KIAA1328: variants seen among roughly 807,000 people sequenced by gnomAD.
KIAA1328 encodes KIAA1328, also known as protein hinderin.
Under a neutral mutation model 68.1 loss-of-function variants are expected in KIAA1328, and 52 were observed. The observed-to-expected ratio is 0.76, with a 90% CI of 0.61 to 0.96. The LOEUF is 0.96. KIAA1328 is among the 40% of genes least tolerant of loss of function. The pLI is 0.00. For missense variants in KIAA1328, 641 were observed against 677.6 expected (o/e 0.95, Z 0.60); for synonymous variants, 232 against 239.4 (o/e 0.97, Z 0.28).
intron 7 of KIAA1328, among the ~76,000 whole-genome samples, chr18:37,120,121 A>C (rs1012702157): frequency 2.0e-5 from 3 of 152,294 alleles, no homozygotes; most frequent in African/African-American, 7.2e-5. Context: ...ATTTTCAAAA[A>C]CCAAAGGTGT....
At chr18:37,137,646 T>G (rs1448230313) in intron 7 of KIAA1328, among the ~76,000 whole-genome samples, 2 of 152,190 alleles carry the variant, frequency 1.3e-5, no homozygotes, top group African/African-American at 2.4e-5. Flanking sequence ...ACACTATTCT[T>G]TCTTTCTCTG....
At chr18:37,230,889 C>A (rs1478711417), downstream of KIAA1328, 1 of 152,184 alleles carries the variant, frequency 6.6e-6, no homozygotes, top group Non-Finnish European at 1.5e-5. Context: ...TTCCCCACTG[C>A]TTACAGGAAA....
At chr18:37,080,913 G>T (rs1481433648) in intron 7 of KIAA1328, among the ~76,000 whole-genome samples, 1 of 151,246 alleles carries the variant, frequency 6.6e-6, no homozygotes, top group Non-Finnish European at 1.5e-5. Flanking sequence ...AATCAAGACA[G>T]TAAAAAAAAA....
At chr18:36,925,245 A>C (rs765165317) in intron 5 of KIAA1328, among the ~76,000 whole-genome samples, 1 of 152,170 alleles carries the variant, frequency 6.6e-6, no homozygotes, top group Non-Finnish European at 1.5e-5. Flanking sequence ...AGGTAAAAAC[A>C]GAAGATAATA....
chr18:37,067,592 G>A (rs572383241), intron 7 of KIAA1328, 47 bp downstream of exon 7: 63 of 1,433,102 alleles, frequency 4.4e-5, no homozygotes, highest in East Asian at 3.3e-4. Context: ...ACGAAATCTC[G>A]CCCTGTTGCC....
chr18:36,910,278 C>G (rs576161796), intron 5 of KIAA1328, among the ~76,000 whole-genome samples: 7 of 151,984 alleles, frequency 4.6e-5, no homozygotes, highest in Non-Finnish European at 7.4e-5. Context: ...GTCTTTAATC[C>G]ATCTTGAATT....
At chr18:37,231,113 A>G (rs1237477002), downstream of KIAA1328, 1 of 152,208 alleles carries the variant, frequency 6.6e-6, no homozygotes, top group Non-Finnish European at 1.5e-5. Flanking sequence ...CTCAGGCATC[A>G]TTATATACTC....
chr18:36,842,534 G>A (rs2046891913), intron 3 of KIAA1328, among the ~76,000 whole-genome samples: 1 of 152,158 alleles, frequency 6.6e-6, no homozygotes, highest in Middle Eastern at 3.4e-3. Context: ...GTTTTGAGGG[G>A]GAAAGTTAGT....
intron 4 of KIAA1328, among the ~76,000 whole-genome samples, chr18:36,856,312 G>GGAAGGTA (rs2047381212): frequency 6.6e-6 from 1 of 151,800 alleles, no homozygotes; most frequent in Non-Finnish European, 1.5e-5. Flanking sequence ...TCCATTATAT[G>GGAAGGTA]CATGTTGATA....
intron 5 of KIAA1328, chr18:36,921,029 G>A (rs2049900623): frequency 1.3e-5 from 2 of 152,236 alleles, no homozygotes; most frequent in African/African-American, 4.8e-5. Flanking sequence ...TAGGCAACAA[G>A]CTGGGATGAT....
intron 9 of KIAA1328, among the ~76,000 whole-genome samples, chr18:37,216,364 T>A (rs1263790315): frequency 2.0e-5 from 3 of 152,250 alleles, no homozygotes; most frequent in Non-Finnish European, 2.9e-5. Flanking sequence ...CTCGTTGGTT[T>A]CAAAGAACAT....
chr18:37,125,442 TA>T (rs528296812), intron 7 of KIAA1328, among the ~76,000 whole-genome samples: 87 of 152,156 alleles, frequency 5.7e-4, no homozygotes, highest in African/African-American at 2.0e-3. Context: ...AATTCTACCT[TA>T]AAAAAACCAG....
chr18:37,229,533 AT>A, downstream of KIAA1328: 3 of 1,269,358 alleles, frequency 2.4e-6, no homozygotes, highest in Non-Finnish European at 3.1e-6. Context: ...TGGGAGGGTC[AT>A]TTTTTACTTC....
chr18:36,895,832 A>G, intron 5 of KIAA1328: 1 of 454,804 alleles, frequency 2.2e-6, no homozygotes, highest in Admixed American at 2.4e-5. Context: ...TTGTCCTAGA[A>G]GAAGAGCAGA....
At chr18:37,090,651 C>T (rs1242355073) in intron 7 of KIAA1328, among the ~76,000 whole-genome samples, 1 of 152,112 alleles carries the variant, frequency 6.6e-6, no homozygotes, top group Admixed American at 6.5e-5. Flanking sequence ...AAGCACTTGC[C>T]AGAGTTTCTT....
chr18:37,079,901 A>C (rs2056891353), intron 7 of KIAA1328, among the ~76,000 whole-genome samples: 1 of 151,402 alleles, frequency 6.6e-6, no homozygotes, highest in African/African-American at 2.4e-5. Flanking sequence ...AAAAAAAAAA[A>C]CAGTTCAATA....
chr18:36,941,750 A>G (rs1447145819), intron 5 of KIAA1328, among the ~76,000 whole-genome samples: 1 of 152,232 alleles, frequency 6.6e-6, no homozygotes, highest in Non-Finnish European at 1.5e-5. Context: ...ATTCACAAAT[A>G]TAGAAGAGGC....
intron 8 of KIAA1328, among the ~76,000 whole-genome samples, chr18:37,168,967 A>T (rs943563160): frequency 9.9e-5 from 15 of 152,156 alleles, no homozygotes; most frequent in Admixed American, 9.8e-4. Flanking sequence ...ATTGCCGTGA[A>T]ATATACCCAG....
At chr18:37,173,115 C>A in intron 9 of KIAA1328, 34 bp downstream of exon 9, 1 of 1,493,298 alleles carries the variant, frequency 6.7e-7, no homozygotes, top group Non-Finnish European at 9.3e-7. Flanking sequence ...TTTTAATATT[C>A]TCCCTATGAG....
Sources: gnomAD v4.1 joint callset for allele counts (sites outside exome capture counted in the v4.1 genomes callset) on GRCh38, gnomAD v4.1.1 for gene constraint, MANE v1.5 for transcripts, NCBI Gene and HGNC (gene_info 2026-07-23, HGNC 2026-07-21) for gene names.